The following CTSC variants were observed in gnomAD, a reference collection of about 807,000 sequenced individuals.
CTSC encodes dipeptidyl peptidase 1.
In CTSC, 37 loss-of-function variants were observed where a neutral mutation model predicts 40.9. The ratio of observed to expected loss-of-function variants is 0.91; its 90% confidence interval spans 0.70 to 1.19. The LOEUF is 1.19. Ranked by LOEUF, CTSC falls within the 50% of genes most tolerant of loss-of-function variation. The pLI is 0.00. For synonymous variants in CTSC, 232 were observed against 207.4 expected (o/e 1.12, Z -1.02); for missense variants, 594 against 567.3 (o/e 1.05, Z -0.48).
intron 4 of CTSC, among the ~76,000 whole-genome samples, chr11:88,307,556 CTTTTTTTTTTT>C (rs5793311): frequency 1.4e-5 from 1 of 73,490 alleles, no homozygotes; most frequent in Admixed American, 1.5e-4. Flanking sequence ...ATACTGATAA[CTTTTTTTTTTT>C]TTTTTTTTTT....
intron 2 of CTSC, among the ~76,000 whole-genome samples, chr11:88,319,116 T>C (rs1937941697): frequency 6.6e-6 from 1 of 152,258 alleles, no homozygotes; most frequent in South Asian, 2.1e-4. Context: ...GAGCATCTTA[T>C]CTGAATTAAT....
At chr11:88,305,476 C>G (rs77519894) in intron 4 of CTSC, among the ~76,000 whole-genome samples, 1,694 of 152,312 alleles carry the variant, frequency 0.011, 36 homozygotes, top group African/African-American at 0.039. Flanking sequence ...AGGATTGGCT[C>G]TTAATCTTTT....
chr11:88,307,295 TA>T (rs1937655848), intron 4 of CTSC, among the ~76,000 whole-genome samples: 1 of 152,158 alleles, frequency 6.6e-6, no homozygotes, highest in South Asian at 2.1e-4. Context: ...CACATGATCC[TA>T]AAGCAAAGTA....
At chr11:88,329,959 G>A (rs1294686471) in intron 2 of CTSC, among the ~76,000 whole-genome samples, 2 of 152,184 alleles carry the variant, frequency 1.3e-5, no homozygotes, top group African/African-American at 4.8e-5. Flanking sequence ...ACTTCTCAAA[G>A]TGCTGGAATT....
In CTSC at chr11:88,309,278, TCA is replaced by T; in HGVS notation, c.524_525del (p.Val175GlufsTer19). On this transcript the variant is annotated frameshift_variant, in exon 4 of 7. Transcript: ENST00000227266. LOFTEE classifies it high-confidence loss of function. ...GACTTCTGAATGGCATTGATAGCTT[TCA>T]CAAAGTTGTGATCATACTTGTAGAG... is the stretch of plus-strand genomic sequence containing the variant. ...NRLYKYDHNF[V>X]KAINAIQKSW... The T allele has an allele frequency of 1.2e-6, 2 of 1,613,980 alleles. No individual in the cohort carries two copies. The highest frequency in any genetic ancestry group is 1.7e-6 in the Non-Finnish European group (2 of 1,179,860).
Position 88,294,233 on chromosome 11 carries a change from G to A in CTSC, c.1165C>T (p.His389Tyr). 1 of 1,613,978 alleles carries A rather than the reference G, an allele frequency of 6.2e-7. No homozygotes were observed. The highest frequency in any genetic ancestry group is 8.5e-7 in the Non-Finnish European group (1 of 1,179,978). The change falls in exon 7 of 7, where the codon CAC (histidine) becomes TAC (tyrosine). Residue 389 changes from histidine (H) to tyrosine (Y), a missense_variant. Coordinates refer to ENST00000227266, the MANE Select transcript of CTSC (RefSeq NM_001814.6). ...AAAGGGTCTCTTAGACCAGTGTGGT[G>A]GTAGATCCCCTTTTTGTAGTGGAGG... ...DFLHYKKGIY[H>Y]HTGLRDPFNP...
At position 88,294,339 on chromosome 11, in the gene CTSC, T is replaced by C. The variant is rs1333053314; in HGVS notation, c.1059A>G (p.Gly353=). 1.2e-6 allele frequency: 2 copies of C among 1,613,966 alleles called. No individual in the cohort carries two copies. Among genetic ancestry groups the C allele is most frequent in the Non-Finnish European group, 1.7e-6 (2 of 1,180,028 alleles). The part of the protein sequence containing the change: ...SEYHYVGGFY[G]GCNEALMKLE... ...GCTTCATCAGGGCTTCATTGCAGCC[T>C]CCATAGAAACCTCCTACATAGTGGT... The change falls in exon 7 of 7, where the codon GGA becomes GGG. Residue 353 remains glycine (G), a synonymous_variant. Coordinates refer to ENST00000227266, the MANE Select transcript of CTSC (RefSeq NM_001814.6).
chr11:88,318,934 C>G (rs1344825437), intron 2 of CTSC, among the ~76,000 whole-genome samples: 2 of 152,070 alleles, frequency 1.3e-5, no homozygotes, highest in African/African-American at 4.8e-5. Context: ...AATAAATAAA[C>G]TAATTAAATT....
intron 3 of CTSC, among the ~76,000 whole-genome samples, chr11:88,310,675 C>G (rs947546331): frequency 1.3e-5 from 2 of 152,088 alleles, no homozygotes; most frequent in African/African-American, 4.8e-5. Context: ...CCACTTGTTG[C>G]AAAGTGTGAA....
chr11:88,324,695 T>C (rs987225950), intron 2 of CTSC: 28 of 985,250 alleles, frequency 2.8e-5, no homozygotes, highest in Non-Finnish European at 3.1e-5. Context: ...CAGCATGGCA[T>C]GAAAGCAGAG....
At chr11:88,325,472 ATTTAC>A (rs1938155638) in intron 2 of CTSC, 15 of 985,412 alleles carry the variant, frequency 1.5e-5, no homozygotes, top group Non-Finnish European at 1.6e-5. Context: ...TCTAAATACC[ATTTAC>A]TTATTTGTGA....
Position 88,296,152 on chromosome 11 carries a change from A to G in CTSC, c.870T>C (p.Ser290=). 6.2e-7 allele frequency: 1 copy of G among 1,614,050 alleles called. No individual in the cohort carries two copies. The highest frequency in any genetic ancestry group is 8.5e-7 in the Non-Finnish European group (1 of 1,179,942). The change falls in exon 6 of 7, where the codon TCT becomes TCC. Residue 290 remains serine (S), a synonymous_variant. Transcript: ENST00000227266. ...ACTTACCTTGAGCATACTGGCTACA[A>G]GACACAACCTCCTGAGGGCTTAGGA... ...TPILSPQEVV[S]CSQYAQGCEG...
intron 2 of CTSC, among the ~76,000 whole-genome samples, chr11:88,319,046 TATA>T (rs1176386581): frequency 1.3e-5 from 2 of 152,204 alleles, no homozygotes; most frequent in Non-Finnish European, 2.9e-5. Flanking sequence ...AGTAAGTCCC[TATA>T]AGATAGTTAA....
chr11:88,322,371 A>T (rs1938042205), intron 2 of CTSC: 1 of 152,086 alleles, frequency 6.6e-6, no homozygotes, highest in Non-Finnish European at 1.5e-5. Context: ...GGGTTTTATA[A>T]TTTTGGGTTT....
intron 6 of CTSC, among the ~76,000 whole-genome samples, chr11:88,295,099 C>T (rs545026033): frequency 6.6e-6 from 1 of 152,256 alleles, no homozygotes; most frequent in African/African-American, 2.4e-5. Context: ...TAATCTCTAT[C>T]TCTTACTTAA....
chr11:88,312,116 T>A (rs149148820), intron 3 of CTSC, among the ~76,000 whole-genome samples: 187 of 152,326 alleles, frequency 1.2e-3, no homozygotes, highest in Admixed American at 9.5e-3. Flanking sequence ...ATAAGCAAAA[T>A]GGCTTTTCTT....
chr11:88,303,962 G>A (rs75225337), intron 4 of CTSC, among the ~76,000 whole-genome samples: 2,197 of 151,992 alleles, frequency 0.014, 59 homozygotes, highest in African/African-American at 0.051. Context: ...CTACTTCTGA[G>A]GCCTAATGTG....
chr11:88,309,050 T>C (rs1419214473), intron 4 of CTSC, 113 bp downstream of exon 4: 8 of 881,132 alleles, frequency 9.1e-6, no homozygotes, highest in Non-Finnish European at 1.3e-5. Flanking sequence ...ACATAAAAAG[T>C]TACAACTGGG....
Position 88,337,661 on chromosome 11 carries a change from C to G in CTSC, c.12G>C (p.Gly4=). ...GGAGGGCGGCGAGCAGCAAGGAGGG[C>G]CCAGCACCCATGCTGCAGGGAGCTG... is the stretch of plus-strand genomic sequence containing the variant. MGA[G]PSLLLAALLL... is the part of the protein sequence containing the mutation. Residue 4 remains glycine (G), a synonymous_variant, in exon 1 of 7, where the codon GGG becomes GGC. Coordinates refer to ENST00000227266, the MANE Select transcript of CTSC (RefSeq NM_001814.6). 3.2e-6 allele frequency: 5 copies of G among 1,577,866 alleles called. No homozygotes were observed. Among genetic ancestry groups the G allele is most frequent in the Non-Finnish European group, 4.3e-6 (5 of 1,161,330 alleles).
Sources: allele counts gnomAD v4.1 joint callset (sites outside exome capture counted in the v4.1 genomes callset), GRCh38; gene constraint gnomAD v4.1.1; transcripts MANE v1.5; gene names NCBI Gene and HGNC (gene_info 2026-07-23, HGNC 2026-07-21).